FBXL7: variants seen among roughly 807,000 people sequenced by gnomAD.
The protein encoded by FBXL7 is F-box/LRR-repeat protein 7.
In FBXL7, 12 loss-of-function variants were observed where a neutral mutation model predicts 38.3. That is an observed-to-expected ratio of 0.31 (90% CI 0.20 to 0.51). The LOEUF (loss-of-function observed/expected upper bound fraction) is 0.51, where lower values mean the gene tolerates loss of function less well. Ranked by LOEUF, FBXL7 falls within the 20% of genes least tolerant of loss-of-function variation. The pLI is 0.98. For synonymous variants in FBXL7, 297 were observed against 300.9 expected (o/e 0.99, Z 0.13); for missense variants, 567 against 676.4 (o/e 0.84, Z 1.79).
chr5:15,616,120 C>A, intron 2 of FBXL7, 48 bp downstream of exon 2: 1 of 1,349,208 alleles, frequency 7.4e-7, no homozygotes, highest in Non-Finnish European at 1.1e-6. Flanking sequence ...ACAGGGCTGG[C>A]TATTTTTGGA....
chr5:15,615,876 T>C, intron 1 of FBXL7, 107 bp from the exon 2 acceptor site: 1 of 652,890 alleles, frequency 1.5e-6, no homozygotes, highest in Non-Finnish European at 2.7e-6. Flanking sequence ...GTATTATAGC[T>C]GCTTTCTTGG....
chr5:15,733,028 G>GTC (rs935540308), intron 2 of FBXL7, among the ~76,000 whole-genome samples: 1 of 152,098 alleles, frequency 6.6e-6, no homozygotes, highest in Non-Finnish European at 1.5e-5. Flanking sequence ...AAGCATGATC[G>GTC]TGAGTACTAA....
At chr5:15,790,710 C>CAGG (rs1737251005) in intron 2 of FBXL7, among the ~76,000 whole-genome samples, 1 of 152,110 alleles carries the variant, frequency 6.6e-6, no homozygotes, top group South Asian at 2.1e-4. Flanking sequence ...AGCAGCTTCC[C>CAGG]TGACATTTAT....
chr5:15,790,986 T>C (rs1411912363), intron 2 of FBXL7, among the ~76,000 whole-genome samples: 1 of 145,210 alleles, frequency 6.9e-6, no homozygotes, highest in Non-Finnish European at 1.5e-5. Flanking sequence ...CTGAATGGGG[T>C]GGCCTGGTAG....
At chr5:15,785,548 A>G (rs948566399) in intron 2 of FBXL7, among the ~76,000 whole-genome samples, 1 of 152,202 alleles carries the variant, frequency 6.6e-6, no homozygotes, top group Non-Finnish European at 1.5e-5. Flanking sequence ...CTGTGCTTTC[A>G]AGCATGTAAG....
At chr5:15,841,186 G>C (rs1738737435) in intron 2 of FBXL7, among the ~76,000 whole-genome samples, 1 of 151,402 alleles carries the variant, frequency 6.6e-6, no homozygotes, top group Admixed American at 6.6e-5. Flanking sequence ...TGTTTGTTTT[G>C]CTGGTTGGTT....
intron 2 of FBXL7, among the ~76,000 whole-genome samples, chr5:15,701,295 T>C (rs1743514606): frequency 6.6e-6 from 1 of 152,206 alleles, no homozygotes; most frequent in Non-Finnish European, 1.5e-5. Flanking sequence ...ACACTTCAAA[T>C]AGTCCAATGA....
At chr5:15,652,449 G>A (rs7721607) in intron 2 of FBXL7, among the ~76,000 whole-genome samples, 26,011 of 152,032 alleles carry the variant, frequency 0.17, 2,498 homozygotes, top group East Asian at 0.44. Flanking sequence ...TGTGTTTTTT[G>A]TAGAGATGGG....
At chr5:15,723,347 C>A (rs1270634496) in intron 2 of FBXL7, among the ~76,000 whole-genome samples, 1 of 152,144 alleles carries the variant, frequency 6.6e-6, no homozygotes, top group Non-Finnish European at 1.5e-5. Flanking sequence ...TCTTTTGAAG[C>A]TATAGACATG....
chr5:15,650,154 C>T (rs530017961), intron 2 of FBXL7, among the ~76,000 whole-genome samples: 94 of 152,262 alleles, frequency 6.2e-4, no homozygotes, highest in African/African-American at 2.2e-3. Flanking sequence ...TCCTGCTTCA[C>T]GCACAATTGT....
intron 2 of FBXL7, among the ~76,000 whole-genome samples, chr5:15,697,371 A>G (rs1743374670): frequency 6.6e-6 from 1 of 152,204 alleles, no homozygotes; most frequent in Non-Finnish European, 1.5e-5. Flanking sequence ...AGGAAGAGTG[A>G]GAGAATGACA....
chr5:15,579,399 C>T (rs1022115674), intron 1 of FBXL7, among the ~76,000 whole-genome samples: 3 of 152,170 alleles, frequency 2.0e-5, no homozygotes, highest in Non-Finnish European at 4.4e-5. Context: ...CATAATTTGT[C>T]CATGAGTATG....
chr5:15,631,594 C>A (rs933766270), intron 2 of FBXL7, among the ~76,000 whole-genome samples: 1 of 143,210 alleles, frequency 7.0e-6, no homozygotes, highest in East Asian at 2.2e-4. Flanking sequence ...ATCACTTGAA[C>A]CTGGGAGATG....
In FBXL7 at chr5:15,932,846, G is replaced by A. The variant is rs183018572; in HGVS notation, c.740-3604G>A. Among the ~76,000 whole-genome samples the A allele has an allele frequency of 3.0e-4, 45 of 152,160 alleles. 1 individual carries two copies. Among genetic ancestry groups the A allele is most frequent in the South Asian group, 2.1e-3 (10 of 4,814 alleles). On this transcript the variant is annotated intron_variant, in intron 3 of 3. Coordinates refer to ENST00000504595, the MANE Select transcript of FBXL7 (RefSeq NM_012304.5). ...AGTTTCCAAAGACCCCTGGGTGCCC[G>A]GTGTCTGAATGTTCACTTCATTTTC...
At chr5:15,637,234 G>A (rs576055683) in intron 2 of FBXL7, among the ~76,000 whole-genome samples, 1 of 152,272 alleles carries the variant, frequency 6.6e-6, no homozygotes, top group South Asian at 2.1e-4. Flanking sequence ...GCAGAAATTG[G>A]AGCCAGTGTG....
chr5:15,799,296 A>AT (rs1737496191), intron 2 of FBXL7, among the ~76,000 whole-genome samples: 1 of 151,382 alleles, frequency 6.6e-6, no homozygotes, highest in Non-Finnish European at 1.5e-5. Context: ...GCATGTCTGC[A>AT]TCTCATTCCC....
chr5:15,544,109 A>G (rs1371558233), intron 1 of FBXL7, among the ~76,000 whole-genome samples: 1 of 152,144 alleles, frequency 6.6e-6, no homozygotes. Context: ...CTGAGAACCT[A>G]CTCTGGACAC....
intron 2 of FBXL7, among the ~76,000 whole-genome samples, chr5:15,655,267 G>A (rs536477150): frequency 5.6e-4 from 86 of 152,234 alleles, no homozygotes; most frequent in African/African-American, 1.7e-3. Flanking sequence ...AGGCCGTGGC[G>A]GGTGAATCAC....
intron 2 of FBXL7, among the ~76,000 whole-genome samples, chr5:15,629,362 A>T (rs1351719865): frequency 6.6e-6 from 1 of 152,158 alleles, no homozygotes; most frequent in Non-Finnish European, 1.5e-5. Flanking sequence ...TCAAAGTTAG[A>T]GCTAGAGACT....
Sources: allele counts gnomAD v4.1 joint callset (sites outside exome capture counted in the v4.1 genomes callset), GRCh38; gene constraint gnomAD v4.1.1; transcripts MANE v1.5; gene names NCBI Gene and HGNC (gene_info 2026-07-23, HGNC 2026-07-21).